The following RAB11FIP3 variants were observed in gnomAD, a reference collection of about 807,000 sequenced individuals.
RAB11FIP3 encodes rab11 family-interacting protein 3.
A neutral mutation model predicts 77.8 loss-of-function variants in RAB11FIP3; 17 were observed. The ratio of observed to expected loss-of-function variants is 0.22; its 90% CI spans 0.15 to 0.33. The LOEUF (loss-of-function observed/expected upper bound fraction) is 0.33, where lower values mean the gene tolerates loss of function less well. Among genes scored for constraint, RAB11FIP3 ranks in the 10% least tolerant of loss-of-function variants. The pLI is 1.00. For synonymous variants in RAB11FIP3, 437 were observed against 448.2 expected (o/e 0.98, Z 0.31); for missense variants, 1,005 against 1,011.2 (o/e 0.99, Z 0.08).
chr16:518,233 T>C (rs1025144667), intron 9 of RAB11FIP3, among the ~76,000 whole-genome samples: 1 of 152,216 alleles, frequency 6.6e-6, no homozygotes, highest in Admixed American at 6.5e-5. Context: ...CATGTGCCAC[T>C]ATGCTCGGCT....
intron 1 of RAB11FIP3, among the ~76,000 whole-genome samples, chr16:443,580 T>C (rs2055260934): frequency 6.6e-6 from 1 of 152,178 alleles, no homozygotes; most frequent in South Asian, 2.1e-4. Context: ...TGGTTGTTGT[T>C]GTTGAGAGGG....
chr16:503,015 A>C lies in RAB11FIP3; in HGVS notation c.1313A>C (p.Gln438Pro), dbSNP rs776426270. ...TGCCTTTTCTGTAGGTACCTGCACC[A>C]GTCAGGGGCCCTGACCATGGAGGCC... is the stretch of plus-strand genomic sequence containing the variant. ...SSKKVARYLHQSGALTMEALE... is the reference protein window; with the variant it reads ...SSKKVARYLHPSGALTMEALE... Residue 438 changes from glutamine (Q) to proline (P), a missense_variant, in exon 7 of 14, where the codon CAG (glutamine) becomes CCG (proline). Gln to Pro is a moderately conservative substitution (Grantham distance 76, BLOSUM62 -1). This residue lies in a region of RAB11FIP3 where 433 missense variants were observed against 436.1 expected (regional missense o/e 0.99). Transcript: ENST00000262305. 16 of 1,611,790 alleles carry C rather than the reference A, an allele frequency of 9.9e-6. No homozygotes were observed. The highest frequency in any genetic ancestry group is 1.7e-5 in the Admixed American group (1 of 59,966).
intron 6 of RAB11FIP3, 123 bp from the exon 7 acceptor site, chr16:502,881 G>C: frequency 1.3e-6 from 1 of 785,860 alleles, no homozygotes. Context: ...CCAGATCAGG[G>C]GAGGACCTGT....
At position 461,539 on chromosome 16, in the gene RAB11FIP3, C is replaced by T. The variant is rs1555501264; in HGVS notation, c.808+42C>T. 6.6e-7 allele frequency: 1 copy of T among 1,511,498 alleles called. No individual in the cohort carries two copies. The highest frequency in any genetic ancestry group is 2.3e-5 in the East Asian group (1 of 44,178). The allele number at this position is 1,511,498 out of a possible 1,614,324, so 93.6% of individuals were successfully genotyped here. A position where few individuals can be genotyped will look rare whatever the true frequency, so the allele number is the denominator to read the frequency against. Reference sequence around the variant, plus strand: ...ATGAGCTCCCACCTCCTCTCCCGTTCCTCAGCCACCCTCTCAGCCACCTGC... The same window carrying T: ...ATGAGCTCCCACCTCCTCTCCCGTTTCTCAGCCACCCTCTCAGCCACCTGC... On this transcript the variant is annotated intron_variant, in intron 2 of 13. Transcript: ENST00000262305. The surrounding 1 kb of genome is among the most constrained non-coding windows in gnomAD (Gnocchi z 4.5).
At position 426,587 on chromosome 16, in the gene RAB11FIP3, C is replaced by T. The variant is rs1334635793; in HGVS notation, c.581C>T (p.Pro194Leu). ...PSDLSQTHPL[P>L]SEPVGSQEDG... ...GACCTCAGCCAGACCCACCCCCTTC[C>T]GAGCGAGCCCGTGGGGAGTCAGGAG... The change falls in exon 1 of 14, where the codon CCG becomes CTG. Residue 194 changes from proline to leucine, a missense_variant. By Grantham distance (98) the Pro-to-Leu change is moderately conservative. Coordinates refer to ENST00000262305, the MANE Select transcript of RAB11FIP3 (RefSeq NM_014700.4). This position sits in a 1 kb window ranked among gnomAD's most constrained non-coding sequence, Gnocchi z 5.0. The T allele has an allele frequency of 6.3e-7, 1 of 1,597,174 alleles. No individual in the cohort carries two copies. Among genetic ancestry groups the T allele is most frequent in the African/African-American group, 1.4e-5 (1 of 74,026 alleles).
At chr16:474,805 C>T in intron 3 of RAB11FIP3, 1 of 1,412,072 alleles carries the variant, frequency 7.1e-7, no homozygotes, top group Non-Finnish European at 9.2e-7. Flanking sequence ...AGGACACTTC[C>T]TGAACTTTGC....
At chr16:434,969 G>A (rs1206773748) in intron 1 of RAB11FIP3, among the ~76,000 whole-genome samples, 1 of 152,152 alleles carries the variant, frequency 6.6e-6, no homozygotes, top group Non-Finnish European at 1.5e-5. Context: ...ACTTTGGGAG[G>A]CCAAGGCAGG....
intron 5 of RAB11FIP3, among the ~76,000 whole-genome samples, chr16:493,267 A>T (rs1394318105): frequency 6.6e-6 from 1 of 151,088 alleles, no homozygotes; most frequent in East Asian, 1.9e-4. Flanking sequence ...AAAAAAAAAA[A>T]AAAAGACTCT....
At chr16:473,779 C>T (rs978515488) in intron 3 of RAB11FIP3, among the ~76,000 whole-genome samples, 11 of 152,264 alleles carry the variant, frequency 7.2e-5, no homozygotes, top group East Asian at 1.9e-4. Context: ...GTTGAGGGTT[C>T]ACTCTTGGTG....
intron 10 of RAB11FIP3, among the ~76,000 whole-genome samples, chr16:519,550 G>A (rs367561392): frequency 2.0e-5 from 3 of 152,234 alleles, no homozygotes; most frequent in East Asian, 1.9e-4. Context: ...CGTGGCCTGC[G>A]TGTGCGCCTC....
At chr16:467,521 G>A (rs1404742281) in intron 2 of RAB11FIP3, among the ~76,000 whole-genome samples, 6 of 146,398 alleles carry the variant, frequency 4.1e-5, no homozygotes, top group Admixed American at 6.8e-5. Context: ...AGGAGGTGCG[G>A]GGGCGTCAGG....
chr16:474,373 G>A (rs1339384576), intron 3 of RAB11FIP3, among the ~76,000 whole-genome samples: 2 of 152,152 alleles, frequency 1.3e-5, no homozygotes, highest in Admixed American at 6.5e-5. Context: ...CTGCTGGCTC[G>A]CACTGTTTTC....
chr16:475,164 G>A, intron 3 of RAB11FIP3: 2 of 1,487,186 alleles, frequency 1.3e-6, no homozygotes, highest in African/African-American at 1.4e-5. Flanking sequence ...AGAGGCTCAG[G>A]GAAGAAGGAA....
chr16:480,155 C>T (rs529064667), intron 3 of RAB11FIP3, among the ~76,000 whole-genome samples: 9 of 150,272 alleles, frequency 6.0e-5, no homozygotes, highest in Non-Finnish European at 1.0e-4. Context: ...CGTGGTGGCA[C>T]GCATCTATAA....
chr16:438,756 C>A (rs1354262823), intron 1 of RAB11FIP3, among the ~76,000 whole-genome samples: 1 of 150,290 alleles, frequency 6.7e-6, no homozygotes, highest in Non-Finnish European at 1.5e-5. Context: ...GTGGCGCGAT[C>A]TCAGCTCACT....
chr16:494,865 G>T (rs12920862), intron 5 of RAB11FIP3, among the ~76,000 whole-genome samples: 2,126 of 50,810 alleles, frequency 0.042, 6 homozygotes, highest in Middle Eastern at 0.14. Flanking sequence ...GATCACATGA[G>T]CCGGGGAGGT....
At chr16:439,995 C>G (rs1260205174) in intron 1 of RAB11FIP3, among the ~76,000 whole-genome samples, 1 of 151,890 alleles carries the variant, frequency 6.6e-6, no homozygotes, top group Non-Finnish European at 1.5e-5. Flanking sequence ...AGGTGCCTGC[C>G]TCGTCTGGCT....
chr16:519,431 G>A (rs2032568040), intron 10 of RAB11FIP3, among the ~76,000 whole-genome samples: 1 of 152,242 alleles, frequency 6.6e-6, no homozygotes, highest in South Asian at 2.1e-4. Flanking sequence ...CAGAGCACTT[G>A]GGCCCTGACT....
chr16:459,431 C>CTTTTTTT (rs56705738), intron 1 of RAB11FIP3, among the ~76,000 whole-genome samples: 3 of 117,450 alleles, frequency 2.6e-5, no homozygotes, highest in Non-Finnish European at 3.5e-5. Context: ...CAGCTTCAAA[C>CTTTTTTT]TTTTTTTTTT....
Sources: gnomAD v4.1 joint callset for allele counts (sites outside exome capture counted in the v4.1 genomes callset) on GRCh38, gnomAD v4.1.1 for gene constraint, gnomAD v4.1.1 regional missense constraint, Gnocchi (gnomAD v3.1) non-coding constraint, MANE v1.5 for transcripts, NCBI Gene and HGNC (gene_info 2026-07-23, HGNC 2026-07-21) for gene names.